Variants in INAVA observed in about 807,000 individuals in gnomAD.
INAVA encodes innate immunity activator protein.
INAVA carries 32 observed loss-of-function variants against 55.3 expected under a neutral mutation model. That is an observed-to-expected ratio of 0.58 (90% CI 0.44 to 0.78). The LOEUF (loss-of-function observed/expected upper bound fraction) is 0.78, where lower values mean the gene tolerates loss of function less well. Ranked by LOEUF, INAVA falls within the 30% of genes least tolerant of loss-of-function variation. The pLI is 0.00. For synonymous variants in INAVA, 294 were observed against 329.4 expected (o/e 0.89, Z 1.16); for missense variants, 756 against 786.4 (o/e 0.96, Z 0.46).
rs1370293917 is a variant in INAVA at position 200,901,111 on chromosome 1, C to T, written c.472C>T (p.Arg158Trp). The change falls in exon 5 of 10, where the codon CGG (arginine) becomes TGG (tryptophan). Residue 158 changes from arginine (R) to tryptophan (W), a missense_variant. Physicochemically the swap from Arg to Trp is moderately radical, Grantham distance 101. This residue lies in a region of INAVA where 639 missense variants were observed against 624.3 expected (regional missense o/e 1.02). Coordinates refer to ENST00000413687, the MANE Select transcript of INAVA (RefSeq NM_001142569.3). ...GCTCCAGCGCTGCCTGGTCGAGCGG[C>T]GGCGCAATAGCGAGCCACCTCCGGC... ...QELQRCLVERRRNSEPPPAAA... is the reference protein window; with the variant it reads ...QELQRCLVERWRNSEPPPAAA... 9.1e-6 allele frequency: 14 copies of T among 1,533,616 alleles called. No individual in the cohort carries two copies. Among genetic ancestry groups the T allele is most frequent in the Middle Eastern group, 2.2e-4 (1 of 4,496 alleles).
intron 2 of INAVA, among the ~76,000 whole-genome samples, chr1:200,898,852 C>G (rs79809885): frequency 6.6e-6 from 1 of 151,966 alleles, no homozygotes; most frequent in Non-Finnish European, 1.5e-5. Flanking sequence ...ATCCTGGCTA[C>G]CACATAGTCC....
At chr1:200,900,835 C>G (rs975746806) in intron 4 of INAVA, 102 bp from the exon 5 acceptor site, 20 of 854,578 alleles carry the variant, frequency 2.3e-5, no homozygotes, top group Non-Finnish European at 3.4e-5. Flanking sequence ...GTCCTCAGGG[C>G]TTAGGACTGG....
At position 200,914,372 on chromosome 1, in the gene INAVA, G is replaced by C. The variant is rs1653865579; in HGVS notation, c.*743G>C. 1 of 152,428 alleles carries C rather than the reference G, an allele frequency of 6.6e-6. No homozygotes were observed. Among genetic ancestry groups the C allele is most frequent in the South Asian group, 2.1e-4 (1 of 4,830 alleles). 9.4% of individuals were successfully genotyped at this position (152,428 alleles called of 1,614,324 possible). ...GGGGTCTGGCTGGGGGCTGGTCCAT[G>C]CTTGTGGTTAGTGGACAGCAGCCAC... On this transcript the variant is annotated 3_prime_UTR_variant, in exon 10 of 10. Transcript: ENST00000413687.
At chr1:200,903,734 G>T (rs1653364895) in intron 5 of INAVA, among the ~76,000 whole-genome samples, 1 of 150,752 alleles carries the variant, frequency 6.6e-6, no homozygotes, top group Non-Finnish European at 1.5e-5. Context: ...AACCCAGGAG[G>T]CGGAGGTTGC....
chr1:200,913,441 G>A (rs533697236), intron 9 of INAVA, 96 bp from the exon 10 acceptor site: 255 of 879,326 alleles, frequency 2.9e-4, no homozygotes, highest in Admixed American at 9.2e-4. Context: ...GCTGGTCAGT[G>A]TCCCTAAGGG....
intron 6 of INAVA, chr1:200,908,218 C>T (rs551103057): frequency 1.9e-4 from 51 of 269,896 alleles, no homozygotes; most frequent in African/African-American, 1.1e-3. Flanking sequence ...AAAGAGCAAT[C>T]TGCCCACAAT....
intron 9 of INAVA, among the ~76,000 whole-genome samples, chr1:200,912,819 C>T (rs75782292): frequency 0.013 from 2,030 of 152,188 alleles, 41 homozygotes; most frequent in African/African-American, 0.047. Context: ...GCATGGTAAG[C>T]GCTAGATATG....
rs1426543765 is a variant in INAVA at position 200,911,905 on chromosome 1, A to G, written c.1412A>G (p.Gln471Arg). ...YEEEGTPLRYQRLVPSRSRIV... is the reference protein window; with the variant it reads ...YEEEGTPLRYRRLVPSRSRIV... ...GAGGAGGGCACTCCCCTGCGCTACC[A>G]GCGTCTGGTGCCCTCCCGCAGCCGC... Residue 471 changes from glutamine (Q) to arginine (R), a missense_variant, in exon 9 of 10, where the codon CAG becomes CGG. Transcript: ENST00000413687. The G allele has an allele frequency of 1.3e-6, 2 of 1,580,226 alleles. No individual in the cohort carries two copies. Among genetic ancestry groups the G allele is most frequent in the East Asian group, 4.6e-5 (2 of 43,526 alleles).
chr1:200,899,522 C>G lies in INAVA; in HGVS notation c.105C>G (p.His35Gln). The change falls in exon 3 of 10, where the codon CAC (histidine) becomes CAG (glutamine). Residue 35 changes from histidine (H) to glutamine (Q), a missense_variant. This residue lies in a region of INAVA where 639 missense variants were observed against 624.3 expected (regional missense o/e 1.02). Coordinates refer to ENST00000413687, the MANE Select transcript of INAVA (RefSeq NM_001142569.3). Reference sequence around the variant, plus strand: ...TGAAGGAGCTGACCCATGCAGTGCACAAGCAGCAGAGGGCCCTGGAAGCGA... The same window carrying G: ...TGAAGGAGCTGACCCATGCAGTGCAGAAGCAGCAGAGGGCCCTGGAAGCGA... ...SPMKELTHAV[H>Q]KQQRALEARL... The G allele has an allele frequency of 6.2e-7, 1 of 1,614,002 alleles. No individual in the cohort carries two copies. The highest frequency in any genetic ancestry group is 8.5e-7 in the Non-Finnish European group (1 of 1,179,996).
chr1:200,897,773 G>A (rs936170336), intron 1 of INAVA, among the ~76,000 whole-genome samples: 4 of 152,104 alleles, frequency 2.6e-5, no homozygotes, highest in Non-Finnish European at 2.9e-5. Context: ...GGGACTACAG[G>A]TGCACACCAC....
Position 200,903,972 on chromosome 1 carries a change from G to A in INAVA, c.520+2813G>A, listed in dbSNP as rs77836684. Among the ~76,000 whole-genome samples the A allele has an allele frequency of 4.4e-3, 663 of 152,258 alleles. 6 individuals are homozygous for A. Among genetic ancestry groups the A allele is most frequent in the African/African-American group, 0.015 (625 of 41,530 alleles). On this transcript the variant is annotated intron_variant, in intron 5 of 9. Coordinates refer to ENST00000413687, the MANE Select transcript of INAVA (RefSeq NM_001142569.3). Reference sequence around the variant, plus strand: ...GTGGCAGGGAGCAGTCAGGTGTTGAGCTCATTTACTAGAGTGAACCGCATG... The same window carrying A: ...GTGGCAGGGAGCAGTCAGGTGTTGAACTCATTTACTAGAGTGAACCGCATG...
intron 5 of INAVA, among the ~76,000 whole-genome samples, chr1:200,901,848 C>T (rs567999608): frequency 1.3e-5 from 2 of 152,288 alleles, no homozygotes; most frequent in East Asian, 3.9e-4. Flanking sequence ...GTGGGGGCAC[C>T]TAGTGAGTTG....
chr1:200,913,476 C>G, intron 9 of INAVA, 61 bp from the exon 10 acceptor site: 1 of 1,315,866 alleles, frequency 7.6e-7, no homozygotes, highest in Admixed American at 1.7e-5. Context: ...ACTGTGCCTG[C>G]TGTCCCCGCT....
intron 5 of INAVA, among the ~76,000 whole-genome samples, chr1:200,903,863 C>G (rs1653374338): frequency 6.6e-6 from 1 of 150,610 alleles, no homozygotes; most frequent in African/African-American, 2.4e-5. Flanking sequence ...AATAAAAAAC[C>G]ACCCTGCCCC....
chr1:200,903,911 T>A (rs891875987), intron 5 of INAVA, among the ~76,000 whole-genome samples: 98 of 151,842 alleles, frequency 6.5e-4, no homozygotes, highest in Non-Finnish European at 7.4e-4. Context: ...TTTGGGAAAG[T>A]AACTGCTAGG....
intron 9 of INAVA, among the ~76,000 whole-genome samples, chr1:200,912,371 A>G (rs1243124579): frequency 1.3e-5 from 2 of 152,146 alleles, no homozygotes; most frequent in Non-Finnish European, 2.9e-5. Context: ...GCTCAAGAGC[A>G]TATACACTGG....
intron 6 of INAVA, chr1:200,908,520 A>G: frequency 2.2e-6 from 1 of 464,612 alleles, no homozygotes; most frequent in Non-Finnish European, 3.8e-6. Context: ...TTGAAGGAGG[A>G]AGGCATAAAA....
rs1280033002 is a variant in INAVA, at chr1:200,899,506, T to G, written c.89T>G (p.Leu30Arg). 6.2e-7 allele frequency: 1 copy of G among 1,613,926 alleles called. No individual in the cohort carries two copies. Among genetic ancestry groups the G allele is most frequent in the Non-Finnish European group, 8.5e-7 (1 of 1,179,998 alleles). The change falls in exon 3 of 10, where the codon CTG (leucine) becomes CGG (arginine). Residue 30 changes from leucine to arginine, a missense_variant. Transcript: ENST00000413687. ...AGCCCGGTCTCCCCAATGAAGGAGCTGACCCATGCAGTGCACAAGCAGCAG... is the reference window on the plus strand; with the variant it reads ...AGCCCGGTCTCCCCAATGAAGGAGCGGACCCATGCAGTGCACAAGCAGCAG... The part of the protein sequence containing the change: ...PDSPVSPMKE[L>R]THAVHKQQRA...
In INAVA at chr1:200,894,943, G is replaced by C; in HGVS notation, c.-239G>C. On this transcript the variant is annotated 5_prime_UTR_variant, in exon 1 of 10. Transcript: ENST00000413687. ...GCAAGGTAGGCAGGTGAGCCGAGAC[G>C]GACGGACGGCCAGCAGCTCCGTCAG... 1.0e-6 allele frequency: 1 copy of C among 985,804 alleles called. No homozygotes were observed. The highest frequency in any genetic ancestry group is 1.2e-6 in the Non-Finnish European group (1 of 830,182). The allele number at this position is 985,804 out of a possible 1,614,324, so 61.1% of individuals were successfully genotyped here.
Sources: gnomAD v4.1 joint callset for allele counts (sites outside exome capture counted in the v4.1 genomes callset) on GRCh38, gnomAD v4.1.1 for gene constraint, gnomAD v4.1.1 regional missense constraint, MANE v1.5 for transcripts, NCBI Gene and HGNC (gene_info 2026-07-23, HGNC 2026-07-21) for gene names.